Variants in TBC1D30 observed in about 807,000 individuals in gnomAD.
TBC1D30 encodes the protein TBC1 domain family, member 30.
Under a neutral mutation model 63.2 loss-of-function variants are expected in TBC1D30, and 31 were observed. The observed-to-expected ratio is 0.49, with a 90% CI of 0.37 to 0.66. The LOEUF (loss-of-function observed/expected upper bound fraction) is 0.66. Among genes scored for constraint, TBC1D30 ranks in the 30% least tolerant of loss-of-function variants. The pLI is 0.00. For missense variants in TBC1D30, 810 were observed against 953.6 expected (o/e 0.85, Z 1.98); for synonymous variants, 307 against 361.5 (o/e 0.85, Z 1.71).
intron 8 of TBC1D30, among the ~76,000 whole-genome samples, chr12:64,864,028 G>A (rs1232962838): frequency 6.6e-6 from 1 of 151,920 alleles, no homozygotes; most frequent in African/African-American, 2.4e-5. Flanking sequence ...AAATTCTGGT[G>A]GAAGCACAGG....
chr12:64,798,629 C>T lies in TBC1D30; in HGVS notation c.643+12584C>T, dbSNP rs146064350. 8.1e-3 allele frequency among the ~76,000 whole-genome samples: 1,225 copies of T among 152,130 alleles called. 19 individuals are homozygous for T. The highest frequency in any genetic ancestry group is 0.028 in the African/African-American group (1,143 of 41,492). On this transcript the variant is annotated intron_variant, in intron 2 of 12. Transcript: ENST00000542120. The stretch of plus-strand genomic sequence containing the variant: ...TAAAATTTAAAAACCTTGACGTTTG[C>T]TCAATTATGCAACAGAGTTATTCTG...
chr12:64,810,829 C>T (rs1873173018), intron 2 of TBC1D30, among the ~76,000 whole-genome samples: 2 of 152,212 alleles, frequency 1.3e-5, no homozygotes, highest in Admixed American at 6.5e-5. Context: ...CTAGGCTCTA[C>T]TAATCTGTTC....
chr12:64,780,241 A>C, upstream of TBC1D30, among the ~76,000 whole-genome samples: 1 of 152,246 alleles, frequency 6.6e-6, no homozygotes. Context: ...AGACTAAACT[A>C]AGAAGGCTTT....
chr12:64,781,332 G>C (rs1225462803), intron 1 of TBC1D30: 3 of 1,057,324 alleles, frequency 2.8e-6, no homozygotes, highest in South Asian at 2.3e-5. Context: ...CTGGAGCCGG[G>C]TTGTCCTCGC....
chr12:64,820,719 G>A (rs181654316), upstream of TBC1D30, among the ~76,000 whole-genome samples: 118 of 152,318 alleles, frequency 7.7e-4, no homozygotes, highest in Non-Finnish European at 1.6e-3. Flanking sequence ...GACTTTAGAT[G>A]ACATCTTTCA....
upstream of TBC1D30, among the ~76,000 whole-genome samples, chr12:64,779,613 C>T (rs922165398): frequency 2.0e-5 from 3 of 152,242 alleles, no homozygotes; most frequent in South Asian, 2.1e-4. Flanking sequence ...TGAACAAACA[C>T]GAAACACCAG....
chr12:64,849,319 CTTT>C (rs1876665535), intron 8 of TBC1D30, among the ~76,000 whole-genome samples: 1 of 152,116 alleles, frequency 6.6e-6, no homozygotes, highest in South Asian at 2.1e-4. Context: ...GTGGCCATTG[CTTT>C]TTGTGTTTTA....
rs941572611 is a variant in TBC1D30, at chr12:64,804,928, G to A, written c.643+18883G>A. On this transcript the variant is annotated intron_variant, in intron 2 of 12. Transcript: ENST00000542120. The stretch of plus-strand genomic sequence containing the variant: ...TTAAAGAGGCTTCTTTTGGCTGAAT[G>A]CGTGGCTCACACCTGTAATCCCAGC... Among the ~76,000 whole-genome samples, 3 of 152,252 alleles carry A rather than the reference G, an allele frequency of 2.0e-5. No homozygotes were observed. The South Asian group carries it at 6.2e-4, about 32-fold the overall frequency.
chr12:64,858,570 C>A (rs1302854546), intron 8 of TBC1D30, among the ~76,000 whole-genome samples: 1 of 152,162 alleles, frequency 6.6e-6, no homozygotes, highest in Non-Finnish European at 1.5e-5. Flanking sequence ...CATCTGGGAG[C>A]TAGGGCCTGG....
chr12:64,877,174 A>T lies in TBC1D30; in HGVS notation c.*1386A>T, dbSNP rs1468050763. 2 of 235,492 alleles carry T rather than the reference A, an allele frequency of 8.5e-6. No individual in the cohort carries two copies. The highest frequency in any genetic ancestry group is 1.7e-5 in the Non-Finnish European group (2 of 116,916). 14.6% of individuals were successfully genotyped at this position (235,492 alleles called of 1,614,324 possible). ...TTATCCTGAACAGGGAGTTTATTTT[A>T]AAAATGCTTCATGCACCTGTTATTT... is the stretch of plus-strand genomic sequence containing the variant. On this transcript the variant is annotated 3_prime_UTR_variant, in exon 12 of 12. Coordinates refer to ENST00000539867, the MANE Select transcript of TBC1D30 (RefSeq NM_015279.2).
chr12:64,775,157 C>T (rs1871037607), intron 1 of TBC1D30, among the ~76,000 whole-genome samples: 1 of 151,372 alleles, frequency 6.6e-6, no homozygotes, highest in Non-Finnish European at 1.5e-5. Context: ...AAGACTGTTA[C>T]TAGCCACTGC....
chr12:64,797,689 A>G (rs902357429), intron 2 of TBC1D30, among the ~76,000 whole-genome samples: 3 of 151,970 alleles, frequency 2.0e-5, no homozygotes, highest in African/African-American at 7.3e-5. Flanking sequence ...CCTCGCTCTC[A>G]GCTGGTGATT....
chr12:64,785,859 T>G (rs1396070541), intron 1 of TBC1D30: 1 of 1,282,900 alleles, frequency 7.8e-7, no homozygotes, highest in South Asian at 1.2e-5. Flanking sequence ...TAATCGTTAT[T>G]CTTATTTTTC....
intron 1 of TBC1D30, among the ~76,000 whole-genome samples, chr12:64,771,116 T>C (rs1304628705): frequency 6.6e-6 from 1 of 151,958 alleles, no homozygotes; most frequent in Non-Finnish European, 1.5e-5. Flanking sequence ...CTGTACAACA[T>C]ATCCATGAAG....
At chr12:64,795,066 A>G (rs1019312487) in intron 2 of TBC1D30, among the ~76,000 whole-genome samples, 1 of 152,204 alleles carries the variant, frequency 6.6e-6, no homozygotes, top group Non-Finnish European at 1.5e-5. Flanking sequence ...CTGTCTGCTC[A>G]TAAGTAAGTG....
At chr12:64,814,019 A>T (rs1233657682) in intron 2 of TBC1D30, among the ~76,000 whole-genome samples, 2 of 152,140 alleles carry the variant, frequency 1.3e-5, no homozygotes, top group Non-Finnish European at 2.9e-5. Flanking sequence ...GGGAGTGTGG[A>T]GAAGTGTACC....
rs983543662 is a variant in TBC1D30 at position 64,878,257 on chromosome 12, C to T, written c.*2469C>T. On this transcript the variant is annotated 3_prime_UTR_variant, in exon 12 of 12. Transcript: ENST00000539867. ...CAATGTGAATTGGTCAATTTATGAG[C>T]CTTGCCTACTTTAGAAAATAAAGAA... 3.0e-6 allele frequency: 1 copy of T among 333,852 alleles called. No individual in the cohort carries two copies. Among genetic ancestry groups the T allele is most frequent in the African/African-American group, 2.1e-5 (1 of 46,594 alleles). 20.7% of individuals were successfully genotyped at this position (333,852 alleles called of 1,614,324 possible).
chr12:64,871,064 T>C (rs569704584), intron 11 of TBC1D30, among the ~76,000 whole-genome samples: 3 of 152,328 alleles, frequency 2.0e-5, no homozygotes, highest in African/African-American at 7.2e-5. Flanking sequence ...CTCTACTGTG[T>C]GTGCTGTGGA....
chr12:64,842,217 G>C (rs552253730), intron 7 of TBC1D30, among the ~76,000 whole-genome samples: 1 of 152,176 alleles, frequency 6.6e-6, no homozygotes, highest in East Asian at 1.9e-4. Context: ...AAACCAGCAG[G>C]GTGTGGTGGT....
Sources: gnomAD v4.1 joint callset for allele counts (sites outside exome capture counted in the v4.1 genomes callset) on GRCh38, gnomAD v4.1.1 for gene constraint, MANE v1.5 for transcripts, NCBI Gene and HGNC (gene_info 2026-07-23, HGNC 2026-07-21) for gene names.